PCSK2: variants seen among roughly 807,000 people sequenced by gnomAD.
The protein encoded by PCSK2 is proprotein convertase subtilisin/kexin type 2.
Under a neutral mutation model 69.7 loss-of-function variants are expected in PCSK2, and 14 were observed. That is an observed-to-expected ratio of 0.20 (90% CI 0.13 to 0.31). The LOEUF is 0.31. Ranked by LOEUF, PCSK2 falls within the 10% of genes least tolerant of loss-of-function variation. The probability of loss-of-function intolerance (pLI) is 1.00; values close to 1 mark genes in which losing one functional copy is unlikely to be tolerated. For missense variants in PCSK2, 544 were observed against 842.5 expected (o/e 0.65, Z 4.39); for synonymous variants, 307 against 320.7 (o/e 0.96, Z 0.46).
At chr20:17,252,899 T>C in intron 1 of PCSK2, among the ~76,000 whole-genome samples, 1 of 152,234 alleles carries the variant, frequency 6.6e-6, no homozygotes, top group East Asian at 1.9e-4. Context: ...TTAAAAATAT[T>C]CAAATAAGAT....
chr20:17,250,561 G>A (rs1315083999), intron 1 of PCSK2, among the ~76,000 whole-genome samples: 1 of 152,082 alleles, frequency 6.6e-6, no homozygotes, highest in Non-Finnish European at 1.5e-5. Flanking sequence ...ATCTATTGGA[G>A]ATGTTTGCCG....
intron 6 of PCSK2, among the ~76,000 whole-genome samples, chr20:17,425,745 G>T (rs1304068455): frequency 1.3e-5 from 2 of 152,290 alleles, no homozygotes; most frequent in East Asian, 3.9e-4. Flanking sequence ...GTGATTAGGG[G>T]ATGCAGACTC....
At chr20:17,381,782 C>T (rs1345954972) in intron 5 of PCSK2, among the ~76,000 whole-genome samples, 3 of 152,102 alleles carry the variant, frequency 2.0e-5, no homozygotes, top group Non-Finnish European at 4.4e-5. Flanking sequence ...CCACAACACC[C>T]CACAAGCATA....
At position 17,307,588 on chromosome 20, in the gene PCSK2, T is replaced by G. The variant is rs116513726; in HGVS notation, c.282+47244T>G. 2.6e-3 allele frequency among the ~76,000 whole-genome samples: 390 copies of G among 152,308 alleles called. 6 individuals are homozygous for G. Among genetic ancestry groups the G allele is most frequent in the African/African-American group, 9.1e-3 (379 of 41,566 alleles). On this transcript the variant is annotated intron_variant, in intron 2 of 11. Transcript: ENST00000262545. ...GTTTTTACATGTTGCTTTGGCAAACTTGAGAGAATTGATGAATGCCTTCTA... is the reference window on the plus strand; with the variant it reads ...GTTTTTACATGTTGCTTTGGCAAACGTGAGAGAATTGATGAATGCCTTCTA...
At chr20:17,358,239 C>T in intron 2 of PCSK2, 88 bp from the exon 3 acceptor site, 1 of 813,228 alleles carries the variant, frequency 1.2e-6, no homozygotes, top group African/African-American at 1.7e-5. Flanking sequence ...ACCTGATATA[C>T]AAATGAAATT....
In PCSK2 at chr20:17,409,356, G is replaced by A. The variant is rs1167270117; in HGVS notation, c.620+17G>A. 2.5e-6 allele frequency: 4 copies of A among 1,580,404 alleles called. No homozygotes were observed. Among genetic ancestry groups the A allele is most frequent in the Non-Finnish European group, 2.6e-6 (3 of 1,149,364 alleles). On this transcript the variant is annotated intron_variant, in intron 6 of 11. Transcript: ENST00000262545. ...GTTTAACAGGTAAACTGGGCCTTGG[G>A]AGGTCTCTTTGACTTTAGGCTTTGG...
At chr20:17,280,041 A>G (rs992840950) in intron 2 of PCSK2, among the ~76,000 whole-genome samples, 2 of 152,008 alleles carry the variant, frequency 1.3e-5, no homozygotes, top group Non-Finnish European at 2.9e-5. Flanking sequence ...CCTCCGCAGA[A>G]GAAAACACTA....
At position 17,418,507 on chromosome 20, in the gene PCSK2, G is replaced by T. The variant is rs187951847; in HGVS notation, c.620+9168G>T. Among the ~76,000 whole-genome samples the T allele has an allele frequency of 5.3e-5, 8 of 152,308 alleles. No individual in the cohort carries two copies. In the East Asian group the frequency reaches 1.5e-3, roughly 29 times the overall value. On this transcript the variant is annotated intron_variant, in intron 6 of 11. Transcript: ENST00000262545. ...GGAGGCAGCATTCTAAGAAGGATCC[G>T]CAAGTGAGGTGGAGCATAAAAGGGT...
At chr20:17,434,698 G>A (rs73102532) in intron 7 of PCSK2, among the ~76,000 whole-genome samples, 1 of 152,248 alleles carries the variant, frequency 6.6e-6, no homozygotes, top group Non-Finnish European at 1.5e-5. Context: ...GGTTTGTGGG[G>A]CAGCAGAAAC....
At position 17,382,020 on chromosome 20, in the gene PCSK2, C is replaced by T. The variant is rs185451651; in HGVS notation, c.543+12743C>T. ...ACCACTTCGATTAATCACTCACAAG[C>T]GGTCACAATGATCCTATACTACATG... On this transcript the variant is annotated intron_variant, in intron 5 of 11. Coordinates refer to ENST00000262545, the MANE Select transcript of PCSK2 (RefSeq NM_002594.5). 2.7e-3 allele frequency among the ~76,000 whole-genome samples: 407 copies of T among 152,284 alleles called. 1 individual carries two copies. Among genetic ancestry groups the T allele is most frequent in the Non-Finnish European group, 4.6e-3 (313 of 68,020 alleles).
In PCSK2 at chr20:17,465,411, C is replaced by T. The variant is rs200711626; in HGVS notation, c.1288C>T (p.Arg430Trp). Residue 430 changes from arginine to tryptophan, a missense_variant, in exon 11 of 12, where the codon CGG becomes TGG. Arg to Trp is a moderately radical substitution (Grantham distance 101). This residue lies in a region of PCSK2 where 200 missense variants were observed against 287.8 expected (regional missense o/e 0.69). Coordinates refer to ENST00000262545, the MANE Select transcript of PCSK2 (RefSeq NM_002594.5). ...NQLHDEVHQWRRNGVGLEFNH... is the reference protein window; with the variant it reads ...NQLHDEVHQWWRNGVGLEFNH... ...GCTTCACGACGAGGTCCATCAGTGGCGGCGCAATGGGGTCGGCCTGGAATT... is the reference window on the plus strand; with the variant it reads ...GCTTCACGACGAGGTCCATCAGTGGTGGCGCAATGGGGTCGGCCTGGAATT... 102 of 1,614,060 alleles carry T rather than the reference C, an allele frequency of 6.3e-5. 2 individuals are homozygous for T. Among genetic ancestry groups the T allele is most frequent in the Admixed American group, 1.2e-4 (7 of 60,022 alleles).
intron 6 of PCSK2, among the ~76,000 whole-genome samples, chr20:17,425,907 T>G (rs2032239049): frequency 6.6e-6 from 1 of 152,186 alleles, no homozygotes; most frequent in African/African-American, 2.4e-5. Flanking sequence ...TTGCCATAAC[T>G]CAGTCACATG....
chr20:17,429,594 C>CA (rs1341796762), intron 7 of PCSK2, 71 bp downstream of exon 7: 14 of 991,532 alleles, frequency 1.4e-5, no homozygotes, highest in East Asian at 5.3e-5. Flanking sequence ...TGTGGCCCAG[C>CA]AAAAAATCCC....
At chr20:17,330,846 G>T (rs1990188396) in intron 2 of PCSK2, among the ~76,000 whole-genome samples, 1 of 152,102 alleles carries the variant, frequency 6.6e-6, no homozygotes, top group Non-Finnish European at 1.5e-5. Flanking sequence ...GTTACTGCGG[G>T]TCCAGAGAGC....
chr20:17,384,950 C>A (rs1328167265), intron 5 of PCSK2, among the ~76,000 whole-genome samples: 2 of 152,172 alleles, frequency 1.3e-5, no homozygotes, highest in South Asian at 2.1e-4. Flanking sequence ...AAAAGTATTT[C>A]TCTTAAATGC....
intron 2 of PCSK2, among the ~76,000 whole-genome samples, chr20:17,315,793 G>A (rs767122331): frequency 6.6e-6 from 1 of 152,174 alleles, no homozygotes; most frequent in Non-Finnish European, 1.5e-5. Context: ...GCAGGGCTGC[G>A]GCGTCCTGGC....
At chr20:17,461,356 A>G (rs1424390994) in intron 10 of PCSK2, among the ~76,000 whole-genome samples, 2 of 152,246 alleles carry the variant, frequency 1.3e-5, no homozygotes, top group African/African-American at 4.8e-5. Context: ...ATCAAAATTT[A>G]GAGGATAGAC....
intron 1 of PCSK2, among the ~76,000 whole-genome samples, chr20:17,247,875 T>C (rs1469703119): frequency 6.6e-6 from 1 of 152,058 alleles, no homozygotes; most frequent in Non-Finnish European, 1.5e-5. Context: ...GCTGGGAAAA[T>C]GGAGTGTGTG....
At chr20:17,303,332 CATATA>C (rs1233515508) in intron 2 of PCSK2, among the ~76,000 whole-genome samples, 1 of 129,854 alleles carries the variant, frequency 7.7e-6, no homozygotes, top group Non-Finnish European at 1.6e-5. Flanking sequence ...ATATCTATTA[CATATA>C]ATATATAATA....
Sources: gnomAD v4.1 joint callset for allele counts (sites outside exome capture counted in the v4.1 genomes callset) on GRCh38, gnomAD v4.1.1 for gene constraint, gnomAD v4.1.1 regional missense constraint, MANE v1.5 for transcripts, NCBI Gene and HGNC (gene_info 2026-07-23, HGNC 2026-07-21) for gene names.